Variants in RGS3 observed in about 807,000 individuals in gnomAD.
RGS3 encodes regulator of G-protein signalling 3.
Under a neutral mutation model 132.6 loss-of-function variants are expected in RGS3, and 80 were observed. That is an observed-to-expected ratio of 0.60 (90% CI 0.50 to 0.73). The LOEUF (loss-of-function observed/expected upper bound fraction) is 0.73. RGS3 is among the 30% of genes least tolerant of loss of function. The probability of loss-of-function intolerance (pLI) is 0.00; values close to 1 mark genes in which losing one functional copy is unlikely to be tolerated. For missense variants in RGS3, 1,382 were observed against 1,530.8 expected (o/e 0.90, Z 1.62); for synonymous variants, 598 against 620.6 (o/e 0.96, Z 0.54).
upstream of RGS3, among the ~76,000 whole-genome samples, chr9:113,455,264 G>GA (rs1230995637): frequency 1.3e-5 from 2 of 152,194 alleles, no homozygotes; most frequent in Non-Finnish European, 2.9e-5. Flanking sequence ...CAGGTGAAGG[G>GA]AAAATCCAGT....
At chr9:113,454,682 A>ATTT (rs1564439172) in intron 1 of RGS3, among the ~76,000 whole-genome samples, 1 of 146,096 alleles carries the variant, frequency 6.8e-6, no homozygotes, top group African/African-American at 2.5e-5. Context: ...TTGCTTTTAA[A>ATTT]CTTTTTTTTT....
At chr9:113,489,317 C>T (rs117566763) in intron 7 of RGS3, among the ~76,000 whole-genome samples, 1,527 of 152,282 alleles carry the variant, frequency 0.01, 34 homozygotes, top group Middle Eastern at 0.041. Flanking sequence ...AGAGGCGTTA[C>T]ATAACTTGCC....
chr9:113,473,681 C>T (rs1447680695), intron 3 of RGS3, among the ~76,000 whole-genome samples: 1 of 152,208 alleles, frequency 6.6e-6, no homozygotes, highest in African/African-American at 2.4e-5. Context: ...GCCACCATGC[C>T]CAGCCAACCT....
intron 7 of RGS3, among the ~76,000 whole-genome samples, chr9:113,489,128 A>G (rs984049916): frequency 6.6e-6 from 1 of 152,210 alleles, no homozygotes; most frequent in African/African-American, 2.4e-5. Flanking sequence ...GAGAAGAGGA[A>G]ACTGAGGCTT....
At position 113,575,542 on chromosome 9, in the gene RGS3, C is replaced by T. The variant is rs368536453; in HGVS notation, c.2038-7908C>T. 1.2e-4 allele frequency among the ~76,000 whole-genome samples: 18 copies of T among 152,318 alleles called. No individual in the cohort carries two copies. The East Asian group carries it at 1.9e-3, about 16-fold the overall frequency. On this transcript the variant is annotated intron_variant, in intron 19 of 24. Transcript: ENST00000350696. ...CCCGTCCTGCTCCAAGGTCATGCCT[C>T]TTCTGCACAGGCTCCCCACTATAGA... is the stretch of plus-strand genomic sequence containing the variant.
At chr9:113,583,054 C>G in intron 19 of RGS3, 1 of 237,070 alleles carries the variant, frequency 4.2e-6, no homozygotes, top group Admixed American at 5.2e-5. Context: ...TCCTTTATCC[C>G]CAGAGGCAAC....
chr9:113,518,082 G>T (rs1831765174), intron 16 of RGS3, among the ~76,000 whole-genome samples: 1 of 152,208 alleles, frequency 6.6e-6, no homozygotes, highest in Non-Finnish European at 1.5e-5. Flanking sequence ...CTGGGTTGTA[G>T]CTCTGCCTGT....
chr9:113,551,902 A>G (rs1002598193), intron 19 of RGS3, among the ~76,000 whole-genome samples: 5 of 152,188 alleles, frequency 3.3e-5, no homozygotes, highest in African/African-American at 1.2e-4. Context: ...GTAGCATTCT[A>G]CTTTCCTACC....
chr9:113,591,561 C>G lies in RGS3; in HGVS notation c.3080+164C>G, dbSNP rs539937189. The G allele has an allele frequency of 6.1e-6, 4 of 653,658 alleles. No individual in the cohort carries two copies. Among genetic ancestry groups the G allele is most frequent in the African/African-American group, 1.8e-5 (1 of 54,910 alleles). The allele number at this position is 653,658 out of a possible 1,614,324, so 40.5% of individuals were successfully genotyped here. A position where few individuals can be genotyped will look rare whatever the true frequency, so the allele number is the denominator to read the frequency against. On this transcript the variant is annotated intron_variant, in intron 21 of 24. Coordinates refer to ENST00000350696, the Ensembl canonical transcript of RGS3. This position sits in a 1 kb window ranked among gnomAD's most constrained non-coding sequence, Gnocchi z 4.4. Reference sequence around the variant, plus strand: ...CTGGATCTTGGAACTTTGCAGTGACCCCAAAGTGGGGTCACCTGGGTCCTG... The same window carrying G: ...CTGGATCTTGGAACTTTGCAGTGACGCCAAAGTGGGGTCACCTGGGTCCTG...
At chr9:113,572,844 A>G (rs896027161) in intron 19 of RGS3, among the ~76,000 whole-genome samples, 53 of 152,254 alleles carry the variant, frequency 3.5e-4, no homozygotes, top group African/African-American at 1.3e-3. Flanking sequence ...GCACAGACTC[A>G]TCTGCCTTCT....
chr9:113,584,384 G>A, exon 20 of RGS3: 1 of 1,542,536 alleles, frequency 6.5e-7, no homozygotes, highest in Non-Finnish European at 8.7e-7. Context: ...CGCAATGGTG[G>A]CTCCATGCAC....
intron 15 of RGS3, 98 bp downstream of exon 13, chr9:113,514,752 T>C (rs7043571): frequency 0.089 from 104,475 of 1,177,062 alleles, 5,301 homozygotes; most frequent in Non-Finnish European, 0.096. Context: ...ATCCCAGGAC[T>C]GAGGGCCCTG....
At chr9:113,495,349 G>A (rs924189491) in intron 7 of RGS3, among the ~76,000 whole-genome samples, 1 of 152,214 alleles carries the variant, frequency 6.6e-6, no homozygotes, top group South Asian at 2.1e-4. Flanking sequence ...TCTAAGAACT[G>A]CTCAGCTCCT....
At chr9:113,481,260 A>T (rs1432663253) in intron 4 of RGS3, among the ~76,000 whole-genome samples, 1 of 152,120 alleles carries the variant, frequency 6.6e-6, no homozygotes, top group Non-Finnish European at 1.5e-5. Flanking sequence ...AGCCCTGACT[A>T]TACTGTGCCA....
At chr9:113,514,435 A>C (rs1831552757) in intron 14 of RGS3, 23 bp from the exon 13 acceptor site, 1 of 1,602,988 alleles carries the variant, frequency 6.2e-7, no homozygotes. Context: ...AATGTCTCAT[A>C]GTCCCCCATC....
intron 17 of RGS3, among the ~76,000 whole-genome samples, chr9:113,524,248 T>C (rs1832096897): frequency 6.6e-6 from 1 of 152,076 alleles, no homozygotes; most frequent in Non-Finnish European, 1.5e-5. Context: ...CAGCTTCCCA[T>C]ATGCCCATTC....
At chr9:113,477,512 T>C (rs1830031055) in intron 3 of RGS3, among the ~76,000 whole-genome samples, 2 of 152,164 alleles carry the variant, frequency 1.3e-5, no homozygotes, top group Non-Finnish European at 2.9e-5. Flanking sequence ...AAACCTGTTC[T>C]CTAACCAGAA....
At chr9:113,476,148 C>T (rs966422978) in intron 3 of RGS3, among the ~76,000 whole-genome samples, 3 of 152,074 alleles carry the variant, frequency 2.0e-5, no homozygotes, top group African/African-American at 2.4e-5. Flanking sequence ...GTGCTGTCCC[C>T]GATGGTTCTC....
chr9:113,519,679 G>T (rs1210825090), intron 16 of RGS3, among the ~76,000 whole-genome samples: 3 of 147,436 alleles, frequency 2.0e-5, no homozygotes. Context: ...TAGAGCAGTG[G>T]TTTTTTTTTT....
Sources: gnomAD v4.1 joint callset for allele counts (sites outside exome capture counted in the v4.1 genomes callset) on GRCh38, gnomAD v4.1.1 for gene constraint, Gnocchi (gnomAD v3.1) non-coding constraint, MANE v1.5 for transcripts, NCBI Gene and HGNC (gene_info 2026-07-23, HGNC 2026-07-21) for gene names.